Variants in GJB7 observed in about 807,000 individuals in gnomAD.
GJB7 encodes gap junction protein beta 7.
For missense variants in GJB7, 253 were observed against 256.8 expected, an observed-to-expected ratio of 0.99 and a Z score of 0.10; for synonymous variants, 87 against 95.2, an observed-to-expected ratio of 0.91 and a Z score of 0.50.
chr6:87,297,806 G>T (rs189166700), intron 2 of GJB7, among the ~76,000 whole-genome samples: 2 of 152,316 alleles, frequency 1.3e-5, no homozygotes, highest in Admixed American at 1.3e-4. Flanking sequence ...CACTCCACCT[G>T]GACAGGCAGG....
At chr6:87,292,215 A>T (rs969611660) in intron 2 of GJB7, among the ~76,000 whole-genome samples, 3 of 152,218 alleles carry the variant, frequency 2.0e-5, no homozygotes, top group African/African-American at 7.2e-5. Flanking sequence ...ATTGAATATT[A>T]CTTTGTATAA....
intron 2 of GJB7, among the ~76,000 whole-genome samples, chr6:87,316,322 A>G (rs1179480021): frequency 6.6e-6 from 1 of 152,178 alleles, no homozygotes; most frequent in Non-Finnish European, 1.5e-5. Context: ...TCCCCTCCTC[A>G]TAAAATTATT....
At chr6:87,305,923 G>A (rs973529418) in intron 2 of GJB7, among the ~76,000 whole-genome samples, 1 of 152,106 alleles carries the variant, frequency 6.6e-6, no homozygotes, top group Non-Finnish European at 1.5e-5. Flanking sequence ...ACAAGCAATG[G>A]GGAAAGGATT....
At chr6:87,289,213 G>T (rs908844517) in intron 2 of GJB7, among the ~76,000 whole-genome samples, 3 of 152,218 alleles carry the variant, frequency 2.0e-5, no homozygotes, top group African/African-American at 7.2e-5. Context: ...GAATCAGAGT[G>T]GCTTTCCCTG....
At chr6:87,305,019 C>T (rs562952607) in intron 2 of GJB7, among the ~76,000 whole-genome samples, 78 of 152,218 alleles carry the variant, frequency 5.1e-4, no homozygotes, top group South Asian at 8.3e-4. Context: ...ATTGATTGGA[C>T]GTATCTCAAA....
At position 87,284,166 on chromosome 6, in the gene GJB7, G is replaced by T; in HGVS notation, c.*75C>A. On this transcript the variant is annotated 3_prime_UTR_variant, in exon 3 of 3. Transcript: ENST00000525899. ...CTTCAGGTAGAGGGAGTGTGTTTAT[G>T]GCCAAGTGTGAAGATTCTGGAGTAG... 1 of 1,216,616 alleles carries T rather than the reference G, an allele frequency of 8.2e-7. No individual in the cohort carries two copies. The highest frequency in any genetic ancestry group is 1.2e-6 in the Non-Finnish European group (1 of 850,230). The allele number at this position is 1,216,616 out of a possible 1,614,324, so 75.4% of individuals were successfully genotyped here.
chr6:87,325,502 T>G (rs1472573028), intron 1 of GJB7, among the ~76,000 whole-genome samples: 1 of 87,626 alleles, frequency 1.1e-5, no homozygotes, highest in African/African-American at 5.2e-5. Context: ...GTCAAAGGCC[T>G]GTCTGCATCT....
chr6:87,298,582 A>G (rs544622294), intron 2 of GJB7, among the ~76,000 whole-genome samples: 1 of 152,350 alleles, frequency 6.6e-6, no homozygotes, highest in East Asian at 1.9e-4. Context: ...GTGTCTCAGA[A>G]GCTAAAAACA....
rs1196535916 is a variant in GJB7, at chr6:87,315,184, G to A, written c.-28+7682C>T. ...AGCATATTCCCCGCCGACCCCTTGT[G>A]TGAAGTGGGCGTCTGCTGATTTCAT... is the stretch of plus-strand genomic sequence containing the variant. On this transcript the variant is annotated intron_variant, in intron 2 of 2. Coordinates refer to ENST00000525899, the MANE Select transcript of GJB7 (RefSeq NM_198568.3). 2.6e-5 allele frequency among the ~76,000 whole-genome samples: 4 copies of A among 152,314 alleles called. No individual in the cohort carries two copies. The East Asian group carries it at 5.8e-4, about 22-fold the overall frequency.
intron 2 of GJB7, among the ~76,000 whole-genome samples, chr6:87,293,037 A>T (rs985766319): frequency 6.6e-6 from 1 of 152,090 alleles, no homozygotes; most frequent in African/African-American, 2.4e-5. Context: ...TTTATTTTTT[A>T]TTTTTTATTT....
At chr6:87,296,366 C>A (rs1562210457) in intron 2 of GJB7, among the ~76,000 whole-genome samples, 1 of 152,102 alleles carries the variant, frequency 6.6e-6, no homozygotes. Flanking sequence ...GACATAAACA[C>A]AGGCAATAGA....
At chr6:87,285,258 G>A (rs531674023) in intron 2 of GJB7, among the ~76,000 whole-genome samples, 1 of 152,284 alleles carries the variant, frequency 6.6e-6, no homozygotes, top group Non-Finnish European at 1.5e-5. Context: ...TCTAAAGATG[G>A]ATGGGTCATG....
chr6:87,290,858 A>G (rs943606048), intron 2 of GJB7, among the ~76,000 whole-genome samples: 1 of 152,222 alleles, frequency 6.6e-6, no homozygotes, highest in Non-Finnish European at 1.5e-5. Flanking sequence ...AATATTTACT[A>G]TCTCGCCCTT....
In GJB7 at chr6:87,284,510, CA is replaced by C; in HGVS notation, c.402del (p.Phe134LeufsTer22). 6.2e-7 allele frequency: 1 copy of C among 1,614,116 alleles called. No individual in the cohort carries two copies. Among genetic ancestry groups the C allele is most frequent in the East Asian group, 2.2e-5 (1 of 44,874 alleles). On this transcript the variant is annotated frameshift_variant, in exon 3 of 3. Coordinates refer to ENST00000525899, the MANE Select transcript of GJB7 (RefSeq NM_198568.3). LOFTEE classifies it low-confidence loss of function (END_TRUNC). ...YLISLIVKTGFEIGFLVLFYK... is the reference protein window; with the variant it reads ...YLISLIVKTGXEIGFLVLFYK... Reference sequence around the variant, plus strand: ...TAAAATAAAACAAGGAAGCCAATTTCAAAACCAGTTTTAACAATGAGGCTGA... The same window carrying C: ...TAAAATAAAACAAGGAAGCCAATTTCAAACCAGTTTTAACAATGAGGCTGA...
intron 2 of GJB7, among the ~76,000 whole-genome samples, chr6:87,293,867 C>T (rs1776213908): frequency 2.0e-5 from 3 of 152,184 alleles, no homozygotes; most frequent in Admixed American, 2.0e-4. Flanking sequence ...CTTGCAGTAT[C>T]TCACACAGAA....
At chr6:87,287,052 T>C (rs916871918) in intron 2 of GJB7, among the ~76,000 whole-genome samples, 1 of 152,202 alleles carries the variant, frequency 6.6e-6, no homozygotes, top group Admixed American at 6.5e-5. Context: ...GCCAACCCTG[T>C]CCCCTACCAT....
intron 1 of GJB7, among the ~76,000 whole-genome samples, chr6:87,324,028 T>C (rs1196438602): frequency 6.7e-6 from 1 of 150,300 alleles, no homozygotes; most frequent in African/African-American, 2.5e-5. Flanking sequence ...TGGCCAGTGA[T>C]GGTGAGCATT....
intron 2 of GJB7, among the ~76,000 whole-genome samples, chr6:87,285,350 C>T (rs995780434): frequency 1.2e-4 from 19 of 152,258 alleles, no homozygotes; most frequent in African/African-American, 3.4e-4. Context: ...AGATTGTTGA[C>T]GCTATAGTCT....
At chr6:87,321,983 A>G (rs1316558686) in intron 2 of GJB7, among the ~76,000 whole-genome samples, 2 of 152,204 alleles carry the variant, frequency 1.3e-5, no homozygotes, top group Admixed American at 1.3e-4. Context: ...CCCTCCTTCA[A>G]CACAAGGGGG....
Sources: gnomAD v4.1 joint callset for allele counts (sites outside exome capture counted in the v4.1 genomes callset) on GRCh38, gnomAD v4.1.1 for gene constraint, MANE v1.5 for transcripts, NCBI Gene and HGNC (gene_info 2026-07-23, HGNC 2026-07-21) for gene names.